Variants in ROCK2 observed in about 807,000 individuals in gnomAD.
The protein encoded by ROCK2 is rho-associated protein kinase 2.
In ROCK2, 61 loss-of-function variants were observed where a neutral mutation model predicts 195.1. The ratio of observed to expected loss-of-function variants is 0.31; its 90% CI spans 0.25 to 0.39. The LOEUF is 0.39. Among genes scored for constraint, ROCK2 ranks in the 10% least tolerant of loss-of-function variants. The probability of loss-of-function intolerance (pLI) is 1.00; values close to 1 mark genes in which losing one functional copy is unlikely to be tolerated. For synonymous variants in ROCK2, 504 were observed against 545.5 expected, an observed-to-expected ratio of 0.92 and a Z score of 1.06; for missense variants, 1,109 against 1,637.4, an observed-to-expected ratio of 0.68 and a Z score of 5.57.
intron 18 of ROCK2, 131 bp downstream of exon 18, chr2:11,211,550 T>C (rs1176933996): frequency 2.6e-6 from 2 of 767,102 alleles, no homozygotes; most frequent in Non-Finnish European, 3.9e-6. Context: ...GCTTCCCTAA[T>C]AGTTTTTTTC....
chr2:11,276,837 C>T (rs1329320282), intron 3 of ROCK2, among the ~76,000 whole-genome samples: 1 of 151,888 alleles, frequency 6.6e-6, no homozygotes, highest in South Asian at 2.1e-4. Context: ...CAATGATAGA[C>T]GTAACAGGAG....
chr2:11,253,030 T>G (rs1665894340), intron 3 of ROCK2, among the ~76,000 whole-genome samples: 1 of 151,558 alleles, frequency 6.6e-6, no homozygotes, highest in Non-Finnish European at 1.5e-5. Context: ...TCTACATATG[T>G]TATGTACACA....
At position 11,192,151 on chromosome 2, in the gene ROCK2, G is replaced by A. The variant is rs1306014561; in HGVS notation, c.4160C>T (p.Pro1387Leu). 1 of 1,591,092 alleles carries A rather than the reference G, an allele frequency of 6.3e-7. No individual in the cohort carries two copies. Among genetic ancestry groups the A allele is most frequent in the East Asian group, 2.2e-5 (1 of 44,488 alleles). Residue 1387 changes from proline to leucine, a missense_variant, in exon 32 of 33, where the codon CCT (proline) becomes CTT (leucine). Around this residue, in one of 6 missense-constraint regions of ROCK2, gnomAD observed 221 missense variants for 355.1 expected, o/e 0.62. Coordinates refer to ENST00000315872, the MANE Select transcript of ROCK2 (RefSeq NM_004850.5). This position sits in a 1 kb window ranked among gnomAD's most constrained non-coding sequence, Gnocchi z 5.0. ...TTACCACATTTTAGTTTATTACCTA[G>A]GTTTGTTTGGGGCAAGCTGTCGACT... ...RPSRQLAPNK[P>L]S is the part of the protein sequence containing the mutation.
At position 11,182,293 on chromosome 2, in the gene ROCK2, T is replaced by G. The variant is rs1663035113; in HGVS notation, c.*1144A>C. The G allele has an allele frequency of 6.6e-6, 1 of 152,246 alleles. No homozygotes were observed. The highest frequency in any genetic ancestry group is 6.5e-5 in the Admixed American group (1 of 15,284). 9.4% of individuals were successfully genotyped at this position (152,246 alleles called of 1,614,324 possible). A position where few individuals can be genotyped will look rare whatever the true frequency, so the allele number is the denominator to read the frequency against. On this transcript the variant is annotated 3_prime_UTR_variant, in exon 33 of 33. Coordinates refer to ENST00000315872, the MANE Select transcript of ROCK2 (RefSeq NM_004850.5). Reference sequence around the variant, plus strand: ...AATGCATCTACAGTCTGTCTTAGTTTTCTTTATATTTGGGAAAAATTTTGA... The same window carrying G: ...AATGCATCTACAGTCTGTCTTAGTTGTCTTTATATTTGGGAAAAATTTTGA...
In ROCK2 at chr2:11,341,762, A is replaced by G. The variant is rs190278400; in HGVS notation, c.141+2234T>C. 3.9e-4 allele frequency among the ~76,000 whole-genome samples: 60 copies of G among 152,318 alleles called. 2 individuals are homozygous for G. The highest frequency in any genetic ancestry group is 7.8e-4 in the Non-Finnish European group (53 of 68,024). On this transcript the variant is annotated intron_variant, in intron 1 of 32. Transcript: ENST00000315872. ...CAGTAAAACAATGACCAATAGTGAA[A>G]TGCAACCTAAATGCTAAGGTTTCAG...
chr2:11,294,026 G>A (rs542517521), intron 1 of ROCK2, among the ~76,000 whole-genome samples: 18 of 152,122 alleles, frequency 1.2e-4, no homozygotes, highest in South Asian at 4.2e-4. Context: ...GCATGGTGGC[G>A]GGCGCCTGTA....
chr2:11,211,339 C>A (rs550982222), intron 18 of ROCK2, among the ~76,000 whole-genome samples: 1 of 152,014 alleles, frequency 6.6e-6, no homozygotes, highest in Admixed American at 6.6e-5. Context: ...AGGTATACAG[C>A]GTGTGAAGTT....
chr2:11,273,527 A>G (rs548538194), intron 3 of ROCK2, among the ~76,000 whole-genome samples: 8 of 152,358 alleles, frequency 5.3e-5, no homozygotes, highest in Admixed American at 5.2e-4. Context: ...CTGAGGGAGA[A>G]ATAGACAGCT....
In ROCK2 at chr2:11,192,123, T is replaced by TC. The variant is rs1212811723; in HGVS notation, c.4163+24dup. 5.4e-6 allele frequency: 8 copies of TC among 1,472,278 alleles called. No homozygotes were observed. The highest frequency in any genetic ancestry group is 7.4e-6 in the Non-Finnish European group (8 of 1,081,822). The allele number at this position is 1,472,278 out of a possible 1,614,324, so 91.2% of individuals were successfully genotyped here. A position where few individuals can be genotyped will look rare whatever the true frequency, so the allele number is the denominator to read the frequency against. The stretch of plus-strand genomic sequence containing the variant: ...AATATTTTAATAGACTTTTTTTTTT[T>TC]CCTTACCACATTTTAGTTTATTACC... On this transcript the variant is annotated intron_variant, in intron 32 of 32. Coordinates refer to ENST00000315872, the MANE Select transcript of ROCK2 (RefSeq NM_004850.5). This position sits in a 1 kb window ranked among gnomAD's most constrained non-coding sequence, Gnocchi z 5.0.
chr2:11,302,314 T>C (rs1294179890), intron 1 of ROCK2, among the ~76,000 whole-genome samples: 2 of 152,008 alleles, frequency 1.3e-5, no homozygotes, highest in Admixed American at 1.3e-4. Flanking sequence ...GGGTGTTTTT[T>C]TGTTGTTGTT....
At chr2:11,220,768 T>C (rs2148074984) in intron 9 of ROCK2, among the ~76,000 whole-genome samples, 1 of 152,304 alleles carries the variant, frequency 6.6e-6, no homozygotes, top group South Asian at 2.1e-4. Context: ...TTGGCTAAAA[T>C]GCCACCTCTT....
intron 1 of ROCK2, among the ~76,000 whole-genome samples, chr2:11,341,687 A>G (rs934497942): frequency 2.0e-5 from 3 of 152,232 alleles, no homozygotes; most frequent in Non-Finnish European, 2.9e-5. Flanking sequence ...TTTCTGTTAA[A>G]GACAAAATAT....
chr2:11,214,965 T>A lies in ROCK2; in HGVS notation c.1811A>T (p.Asp604Val). Residue 604 changes from aspartate (D) to valine (V), a missense_variant, in exon 16 of 33, where the codon GAT (aspartate) becomes GTT (valine). This residue lies in a region of ROCK2 where 542 missense variants were observed against 672.0 expected (regional missense o/e 0.81). Transcript: ENST00000315872. ...GGCAGTCTCCAGCAGGCAGTTTTTATCTTGTAGATCTCTATTGTTAGATTC... is the reference window on the plus strand; with the variant it reads ...GGCAGTCTCCAGCAGGCAGTTTTTAACTTGTAGATCTCTATTGTTAGATTC... ...QLESNNRDLQ[D>V]KNCLLETAKL... 6.2e-7 allele frequency: 1 copy of A among 1,614,112 alleles called. No homozygotes were observed. Among genetic ancestry groups the A allele is most frequent in the African/African-American group, 1.3e-5 (1 of 75,038 alleles).
At chr2:11,318,152 G>T (rs1384102982) in intron 1 of ROCK2, among the ~76,000 whole-genome samples, 1 of 152,084 alleles carries the variant, frequency 6.6e-6, no homozygotes, top group Non-Finnish European at 1.5e-5. Flanking sequence ...TGGGTCAAAT[G>T]GTATCTCTAG....
At chr2:11,249,119 A>G (rs1665736997) in intron 4 of ROCK2, among the ~76,000 whole-genome samples, 1 of 152,090 alleles carries the variant, frequency 6.6e-6, no homozygotes, top group African/African-American at 2.4e-5. Flanking sequence ...GATGGTCTCA[A>G]TCTCCTGACC....
At chr2:11,261,774 G>A (rs931786359) in intron 3 of ROCK2, among the ~76,000 whole-genome samples, 2 of 152,130 alleles carry the variant, frequency 1.3e-5, no homozygotes, top group Admixed American at 6.5e-5. Context: ...GCAGTGATCC[G>A]AGATCACGCC....
Position 11,201,277 on chromosome 2 carries a change from A to G in ROCK2, c.2723+33T>C, listed in dbSNP as rs753891089. 5.8e-6 allele frequency: 9 copies of G among 1,540,896 alleles called. No individual in the cohort carries two copies. In the South Asian group the frequency reaches 1.0e-4, roughly 17 times the overall value. The stretch of plus-strand genomic sequence containing the variant: ...TGTTCTAGGAGCAAAGTATACAGCT[A>G]TGAACAAAAAGAGACAAGGGTCTCA... On this transcript the variant is annotated intron_variant, in intron 22 of 32. Coordinates refer to ENST00000315872, the MANE Select transcript of ROCK2 (RefSeq NM_004850.5). This position sits in a 1 kb window ranked among gnomAD's most constrained non-coding sequence, Gnocchi z 4.6.
chr2:11,331,147 CA>C (rs1668755569), intron 1 of ROCK2, among the ~76,000 whole-genome samples: 1 of 151,962 alleles, frequency 6.6e-6, no homozygotes, highest in African/African-American at 2.4e-5. Flanking sequence ...AATAAAAACT[CA>C]AAATAGTTTA....
chr2:11,183,194 G>C lies in ROCK2; in HGVS notation c.*243C>G, dbSNP rs1663069178. 2.5e-6 allele frequency: 1 copy of C among 395,612 alleles called. No homozygotes were observed. The highest frequency in any genetic ancestry group is 7.0e-5 in the South Asian group (1 of 14,194). 24.5% of individuals were successfully genotyped at this position (395,612 alleles called of 1,614,324 possible). On this transcript the variant is annotated 3_prime_UTR_variant, in exon 33 of 33. Coordinates refer to ENST00000315872, the MANE Select transcript of ROCK2 (RefSeq NM_004850.5). ...CGAGAGAGCTTTATGGAAAAGTCTG[G>C]AAGAGTTGCATATATCCTTAGTCTA...
Sources: gnomAD v4.1 joint callset for allele counts (sites outside exome capture counted in the v4.1 genomes callset) on GRCh38, gnomAD v4.1.1 for gene constraint, gnomAD v4.1.1 regional missense constraint, Gnocchi (gnomAD v3.1) non-coding constraint, MANE v1.5 for transcripts, NCBI Gene and HGNC (gene_info 2026-07-23, HGNC 2026-07-21) for gene names.